The following TIMP3 variants were observed in gnomAD, a reference collection of about 807,000 sequenced individuals.
TIMP3 encodes metalloproteinase inhibitor 3.
TIMP3 carries 11 observed loss-of-function variants against 30.0 expected under a neutral mutation model. That is an observed-to-expected ratio of 0.37 (90% CI 0.23 to 0.61). TIMP3 has a LOEUF of 0.61. TIMP3 is among the 20% of genes least tolerant of loss of function. TIMP3 has a pLI of 0.70. For missense variants in TIMP3, 181 were observed against 276.8 expected, an observed-to-expected ratio of 0.65 and a Z score of 2.45; for synonymous variants, 112 against 111.3, an observed-to-expected ratio of 1.01 and a Z score of -0.04.
intron 2 of TIMP3, among the ~76,000 whole-genome samples, chr22:32,856,301 G>T (rs1470942110): frequency 6.6e-6 from 1 of 152,126 alleles, no homozygotes; most frequent in Non-Finnish European, 1.5e-5. Context: ...GGAGTGTTGT[G>T]GGGCAGTTGG....
rs1338376483 is a variant in TIMP3, at chr22:32,813,528, CACACACACGT to C, written c.121+11407_121+11416del. 3.1e-4 allele frequency among the ~76,000 whole-genome samples: 45 copies of C among 143,746 alleles called. 1 individual carries two copies. The highest frequency in any genetic ancestry group is 1.1e-3 in the African/African-American group (44 of 39,064). 94.3% of individuals were successfully genotyped at this position (143,746 alleles called of 152,430 possible). ...ACACACACACACACACACACACACA[CACACACACGT>C]GGACCAAACAAAACATGTCCATGGG... On this transcript the variant is annotated intron_variant, in intron 1 of 4. Transcript: ENST00000266085.
chr22:32,813,986 G>C (rs1442191986), intron 1 of TIMP3, among the ~76,000 whole-genome samples: 1 of 152,040 alleles, frequency 6.6e-6, no homozygotes, highest in Non-Finnish European at 1.5e-5. Context: ...CCTCCCCTTA[G>C]ATGGGAGCCA....
At chr22:32,808,257 A>C (rs1341988260) in intron 1 of TIMP3, among the ~76,000 whole-genome samples, 5 of 152,230 alleles carry the variant, frequency 3.3e-5, no homozygotes, top group Non-Finnish European at 7.3e-5. Context: ...ACACACATAC[A>C]CAGGGTTTTG....
chr22:32,838,721 AC>A (rs1247480846), intron 1 of TIMP3, among the ~76,000 whole-genome samples: 2 of 151,842 alleles, frequency 1.3e-5, no homozygotes, highest in Admixed American at 1.3e-4. Context: ...AGGACTCCTG[AC>A]CCAGCACTCC....
intron 2 of TIMP3, among the ~76,000 whole-genome samples, chr22:32,856,431 A>G (rs1299280493): frequency 6.6e-6 from 1 of 152,094 alleles, no homozygotes; most frequent in Non-Finnish European, 1.5e-5. Context: ...TAGATCAGTG[A>G]CCGGCCACTG....
chr22:32,802,436 G>A (rs1253499818), intron 1 of TIMP3, among the ~76,000 whole-genome samples: 1 of 152,042 alleles, frequency 6.6e-6, no homozygotes, highest in Non-Finnish European at 1.5e-5. Context: ...AACGGAGGAA[G>A]GGCTAGAAGA....
At chr22:32,829,720 C>T (rs911839264) in intron 1 of TIMP3, among the ~76,000 whole-genome samples, 1 of 152,256 alleles carries the variant, frequency 6.6e-6, no homozygotes, top group Non-Finnish European at 1.5e-5. Flanking sequence ...GGCCTGCCAA[C>T]TCCATAGCTC....
intron 1 of TIMP3, among the ~76,000 whole-genome samples, chr22:32,841,243 A>G (rs1399638800): frequency 6.6e-6 from 1 of 152,230 alleles, no homozygotes; most frequent in Non-Finnish European, 1.5e-5. Flanking sequence ...GGAGGCTTAC[A>G]TTTTAATGGG....
chr22:32,843,362 G>A (rs527726038), intron 1 of TIMP3, among the ~76,000 whole-genome samples: 137 of 152,344 alleles, frequency 9.0e-4, no homozygotes, highest in Non-Finnish European at 1.5e-3. Context: ...TTGAATGGGT[G>A]AGCAGCTGGA....
In TIMP3 at chr22:32,845,122, G is replaced by A. The variant is rs374944037; in HGVS notation, c.122-4330G>A. On this transcript the variant is annotated intron_variant, in intron 1 of 4. Coordinates refer to ENST00000266085, the MANE Select transcript of TIMP3 (RefSeq NM_000362.5). ...TCTAGAGAGACAAGAGAGGCTCAGA[G>A]GCTGAGATTCACACTGAGCCTCACC... 8.5e-5 allele frequency among the ~76,000 whole-genome samples: 13 copies of A among 152,220 alleles called. No homozygotes were observed. The East Asian group carries it at 1.7e-3, about 20-fold the overall frequency.
intron 1 of TIMP3, among the ~76,000 whole-genome samples, chr22:32,828,716 T>C (rs1239945419): frequency 6.6e-6 from 1 of 152,218 alleles, no homozygotes; most frequent in Non-Finnish European, 1.5e-5. Flanking sequence ...ACCTACCCAC[T>C]ATAGACTTCT....
intron 1 of TIMP3, among the ~76,000 whole-genome samples, chr22:32,833,459 C>A (rs1310692447): frequency 1.3e-5 from 2 of 152,150 alleles, no homozygotes; most frequent in Non-Finnish European, 2.9e-5. Context: ...ATGGAACAGG[C>A]TGACCTAGGT....
intron 2 of TIMP3, among the ~76,000 whole-genome samples, chr22:32,854,751 C>A (rs763239539): frequency 1.8e-4 from 27 of 152,208 alleles, no homozygotes; most frequent in Non-Finnish European, 3.2e-4. Flanking sequence ...GACGGCACTT[C>A]TTCCAGCACT....
chr22:32,838,894 G>T lies in TIMP3; in HGVS notation c.122-10558G>T, dbSNP rs550966720. On this transcript the variant is annotated intron_variant, in intron 1 of 4. Coordinates refer to ENST00000266085, the MANE Select transcript of TIMP3 (RefSeq NM_000362.5). ...TCCCAGATGCAGTCCCTGCCATCCG[G>T]TAATTAGCGATGCTAGTGAGTGTCC... Among the ~76,000 whole-genome samples the T allele has an allele frequency of 2.0e-5, 3 of 151,862 alleles. No individual in the cohort carries two copies. In the East Asian group the frequency reaches 5.9e-4, roughly 30 times the overall value.
chr22:32,817,696 T>C (rs565831948), intron 1 of TIMP3, among the ~76,000 whole-genome samples: 6 of 152,336 alleles, frequency 3.9e-5, no homozygotes, highest in Non-Finnish European at 7.3e-5. Context: ...CTTGCTTGGC[T>C]CAGTTCTGGG....
At chr22:32,825,052 C>T (rs1421601779) in intron 1 of TIMP3, among the ~76,000 whole-genome samples, 1 of 151,964 alleles carries the variant, frequency 6.6e-6, no homozygotes, top group African/African-American at 2.4e-5. Flanking sequence ...GTCCAATGAG[C>T]GCAGAAAAGG....
chr22:32,840,334 T>A (rs2146191959), intron 1 of TIMP3, among the ~76,000 whole-genome samples: 1 of 151,850 alleles, frequency 6.6e-6, no homozygotes, highest in South Asian at 2.1e-4. Flanking sequence ...TGATGGGGAG[T>A]GCATGTTAAC....
intron 1 of TIMP3, among the ~76,000 whole-genome samples, chr22:32,847,232 G>A (rs2048091602): frequency 6.6e-6 from 1 of 152,206 alleles, no homozygotes; most frequent in African/African-American, 2.4e-5. Flanking sequence ...GCCTGTGAGA[G>A]TTAATATGGA....
At position 32,860,177 on chromosome 22, in the gene TIMP3, T is replaced by C. The variant is rs1315932791; in HGVS notation, c.*800T>C. 1 of 152,204 alleles carries C rather than the reference T, an allele frequency of 6.6e-6. No homozygotes were observed. Among genetic ancestry groups the C allele is most frequent in the Non-Finnish European group, 1.5e-5 (1 of 68,044 alleles). 9.4% of individuals were successfully genotyped at this position (152,204 alleles called of 1,614,324 possible). A position where few individuals can be genotyped will look rare whatever the true frequency, so the allele number is the denominator to read the frequency against. Reference sequence around the variant, plus strand: ...TTGTACAAAAGCTCAGGTGAAAGACTGAGATGAATGTCTTTCCTCTCCCTG... The same window carrying C: ...TTGTACAAAAGCTCAGGTGAAAGACCGAGATGAATGTCTTTCCTCTCCCTG... On this transcript the variant is annotated 3_prime_UTR_variant, in exon 5 of 5. Coordinates refer to ENST00000266085, the MANE Select transcript of TIMP3 (RefSeq NM_000362.5).
Sources: allele counts gnomAD v4.1 joint callset (sites outside exome capture counted in the v4.1 genomes callset), GRCh38; gene constraint gnomAD v4.1.1; transcripts MANE v1.5; gene names NCBI Gene and HGNC (gene_info 2026-07-23, HGNC 2026-07-21).